Variants in ZMAT5 observed in about 807,000 individuals in gnomAD.
ZMAT5 encodes zinc finger matrin-type 5.
In ZMAT5, 23 loss-of-function variants were observed where a neutral mutation model predicts 28.0. The ratio of observed to expected loss-of-function variants is 0.82; its 90% CI spans 0.59 to 1.16. The LOEUF is 1.16. ZMAT5 is among the 50% of genes most tolerant of loss of function. The pLI is 0.00. For synonymous variants in ZMAT5, 76 were observed against 84.1 expected (o/e 0.90, Z 0.52); for missense variants, 173 against 212.7 (o/e 0.81, Z 1.16).
intron 4 of ZMAT5, among the ~76,000 whole-genome samples, chr22:29,738,868 A>T (rs1215993308): frequency 4.6e-5 from 7 of 152,062 alleles, no homozygotes; most frequent in African/African-American, 1.4e-4. Flanking sequence ...AAAATTAGCC[A>T]TGTGTGGTGG....
chr22:29,742,555 G>T, intron 2 of ZMAT5, 75 bp from the exon 3 acceptor site: 2 of 1,392,224 alleles, frequency 1.4e-6, no homozygotes, highest in South Asian at 1.2e-5. Flanking sequence ...AAGCCACAGG[G>T]GCATATGGAC....
intron 2 of ZMAT5, chr22:29,748,144 T>G (rs1191266160): frequency 4.3e-6 from 2 of 461,860 alleles, no homozygotes; most frequent in Non-Finnish European, 8.0e-6. Flanking sequence ...CACCCAGAAC[T>G]GCATGGCTAG....
At chr22:29,757,242 G>GAAA (rs35439925) in intron 1 of ZMAT5, among the ~76,000 whole-genome samples, 1 of 111,664 alleles carries the variant, frequency 9.0e-6, no homozygotes. Flanking sequence ...GGACTTCACA[G>GAAA]AAAAAAAAAA....
chr22:29,766,379 C>A (rs2068212193), intron 1 of ZMAT5, among the ~76,000 whole-genome samples: 1 of 152,230 alleles, frequency 6.6e-6, no homozygotes, highest in African/African-American at 2.4e-5. Context: ...TGCAATGTCA[C>A]CACCACTGCC....
At position 29,763,292 on chromosome 22, in the gene ZMAT5, C is replaced by A. The variant is rs866674669; in HGVS notation, c.-28+3580G>T. On this transcript the variant is annotated intron_variant, in intron 1 of 5. Coordinates refer to ENST00000344318, the MANE Select transcript of ZMAT5 (RefSeq NM_001003692.2). ...TGGGCAACACAGCGAGACTCTGCCT[C>A]AATAAATAAATAAATAAATAAATAA... Among the ~76,000 whole-genome samples, 7 of 140,658 alleles carry A rather than the reference C, an allele frequency of 5.0e-5. No individual in the cohort carries two copies. The East Asian group carries it at 1.3e-3, about 26-fold the overall frequency. The allele number at this position is 140,658 out of a possible 152,430, so 92.3% of individuals were successfully genotyped here.
At chr22:29,760,440 A>T (rs2068146549) in intron 1 of ZMAT5, among the ~76,000 whole-genome samples, 2 of 150,962 alleles carry the variant, frequency 1.3e-5, no homozygotes, top group Admixed American at 1.3e-4. Flanking sequence ...GTTACTTGGG[A>T]AGCTGAGGCA....
At chr22:29,737,280 A>G (rs1475479644) in intron 5 of ZMAT5, among the ~76,000 whole-genome samples, 1 of 152,132 alleles carries the variant, frequency 6.6e-6, no homozygotes, top group Non-Finnish European at 1.5e-5. Context: ...GTGAGCTGAG[A>G]TCACACCACT....
intron 1 of ZMAT5, among the ~76,000 whole-genome samples, chr22:29,750,289 C>G (rs1393217108): frequency 6.6e-6 from 1 of 152,210 alleles, no homozygotes. Flanking sequence ...GTTACATTGC[C>G]AGGTGTCCTC....
At chr22:29,743,024 G>A (rs747174048) in intron 2 of ZMAT5, among the ~76,000 whole-genome samples, 3 of 151,888 alleles carry the variant, frequency 2.0e-5, no homozygotes, top group Admixed American at 6.6e-5. Flanking sequence ...GAACTCCTGG[G>A]CTCACACGAT....
At position 29,752,212 on chromosome 22, in the gene ZMAT5, T is replaced by C. The variant is rs1026769202; in HGVS notation, c.-27-3641A>G. ...GGTCTGCCAGGAAAGCCTGTCTTCA[T>C]GCTGCCGTGCTAGCTGTCCCAAACA... On this transcript the variant is annotated intron_variant, in intron 1 of 5. Coordinates refer to ENST00000344318, the MANE Select transcript of ZMAT5 (RefSeq NM_001003692.2). Among the ~76,000 whole-genome samples the C allele has an allele frequency of 7.2e-5, 11 of 152,278 alleles. No individual in the cohort carries two copies. In the East Asian group the frequency reaches 7.7e-4, roughly 11 times the overall value.
At position 29,745,293 on chromosome 22, in the gene ZMAT5, A is replaced by C. The variant is rs116825166; in HGVS notation, c.128-2813T>G. 7.4e-3 allele frequency among the ~76,000 whole-genome samples: 1,129 copies of C among 152,278 alleles called. 11 individuals are homozygous for C. Among genetic ancestry groups the C allele is most frequent in the African/African-American group, 0.026 (1,087 of 41,558 alleles). ...GGGCAGGGAGGACAGCAGGAAGGGC[A>C]TGTCTACAGAGGGGACAGCTTATGC... On this transcript the variant is annotated intron_variant, in intron 2 of 5. Coordinates refer to ENST00000344318, the MANE Select transcript of ZMAT5 (RefSeq NM_001003692.2).
intron 1 of ZMAT5, among the ~76,000 whole-genome samples, chr22:29,756,203 C>A (rs1044517035): frequency 3.9e-5 from 6 of 152,232 alleles, no homozygotes; most frequent in Non-Finnish European, 8.8e-5. Flanking sequence ...AAACAGTAAA[C>A]CACAGCCAGA....
intron 2 of ZMAT5, among the ~76,000 whole-genome samples, chr22:29,742,829 C>T (rs1394799755): frequency 6.6e-6 from 1 of 152,154 alleles, no homozygotes; most frequent in Non-Finnish European, 1.5e-5. Context: ...CGCTCTGTCA[C>T]CCAGGCTGGA....
chr22:29,766,195 G>A (rs2068210015), intron 1 of ZMAT5, among the ~76,000 whole-genome samples: 1 of 152,170 alleles, frequency 6.6e-6, no homozygotes, highest in African/African-American at 2.4e-5. Context: ...TGGGTTCCAA[G>A]GCCAGACATG....
chr22:29,757,737 G>A (rs777291326), intron 1 of ZMAT5, among the ~76,000 whole-genome samples: 5 of 152,152 alleles, frequency 3.3e-5, no homozygotes, highest in Admixed American at 6.5e-5. Context: ...GACACTGCAG[G>A]GAGGGCATGG....
Position 29,766,852 on chromosome 22 carries a change from C to A in ZMAT5, c.-28+20G>T, listed in dbSNP as rs1004724399. On this transcript the variant is annotated intron_variant, in intron 1 of 5. Coordinates refer to ENST00000344318, the MANE Select transcript of ZMAT5 (RefSeq NM_001003692.2). ...ACCCTATCCCAAGAAATGGTGCGTCCCGCCGCAGGGCGTACGCACAGAGAA... is the reference window on the plus strand; with the variant it reads ...ACCCTATCCCAAGAAATGGTGCGTCACGCCGCAGGGCGTACGCACAGAGAA... 6.5e-6 allele frequency: 1 copy of A among 152,984 alleles called. No homozygotes were observed. Among genetic ancestry groups the A allele is most frequent in the African/African-American group, 2.4e-5 (1 of 41,470 alleles). The allele number at this position is 152,984 out of a possible 1,614,324, so 9.5% of individuals were successfully genotyped here. A position where few individuals can be genotyped will look rare whatever the true frequency, so the allele number is the denominator to read the frequency against.
At chr22:29,761,910 C>T (rs1352895958) in intron 1 of ZMAT5, among the ~76,000 whole-genome samples, 2 of 152,122 alleles carry the variant, frequency 1.3e-5, no homozygotes, top group Non-Finnish European at 1.5e-5. Context: ...CCCATATATT[C>T]CTATTTCATG....
intron 2 of ZMAT5, among the ~76,000 whole-genome samples, chr22:29,746,010 T>C (rs1756978945): frequency 1.3e-5 from 2 of 152,176 alleles, no homozygotes; most frequent in African/African-American, 4.8e-5. Context: ...TCCCGCTCTG[T>C]TGCCGAGGCT....
chr22:29,742,567 CT>C, intron 2 of ZMAT5, 87 bp from the exon 3 acceptor site: 2 of 1,209,714 alleles, frequency 1.7e-6, no homozygotes, highest in Non-Finnish European at 1.2e-6. Context: ...CATATGGACC[CT>C]TTATCTCGAC....
Sources: gnomAD v4.1 joint callset for allele counts (sites outside exome capture counted in the v4.1 genomes callset) on GRCh38, gnomAD v4.1.1 for gene constraint, MANE v1.5 for transcripts, NCBI Gene and HGNC (gene_info 2026-07-23, HGNC 2026-07-21) for gene names.